Variants in LSAMP observed in about 807,000 individuals in gnomAD.
LSAMP encodes limbic system associated membrane protein.
A neutral mutation model predicts 38.6 loss-of-function variants in LSAMP; 7 were observed. That is an observed-to-expected ratio of 0.18 (90% CI 0.10 to 0.34). LSAMP has a LOEUF of 0.34. LSAMP is among the 10% of genes least tolerant of loss of function. LSAMP has a pLI of 1.00. For synonymous variants in LSAMP, 154 were observed against 166.8 expected, an observed-to-expected ratio of 0.92 and a Z score of 0.59; for missense variants, 313 against 420.0, an observed-to-expected ratio of 0.75 and a Z score of 2.23.
intron 3 of LSAMP, among the ~76,000 whole-genome samples, chr3:115,989,017 TC>T (rs1939592606): frequency 6.6e-6 from 1 of 152,090 alleles, no homozygotes; most frequent in Non-Finnish European, 1.5e-5. Context: ...CATAGTGATA[TC>T]AAACACTGAC....
intron 2 of LSAMP, among the ~76,000 whole-genome samples, chr3:116,032,536 G>A (rs1940949790): frequency 6.6e-6 from 1 of 152,118 alleles, no homozygotes; most frequent in Non-Finnish European, 1.5e-5. Flanking sequence ...GACCAGGCAT[G>A]GTGGCTTATG....
intron 3 of LSAMP, among the ~76,000 whole-genome samples, chr3:115,897,898 A>G (rs1237834606): frequency 6.6e-6 from 1 of 152,126 alleles, no homozygotes; most frequent in Admixed American, 6.6e-5. Context: ...TGAGAGGAAC[A>G]ATGTCAAGAA....
intron 3 of LSAMP, among the ~76,000 whole-genome samples, chr3:115,931,116 C>A (rs1176645553): frequency 2.6e-5 from 4 of 152,142 alleles, no homozygotes; most frequent in Non-Finnish European, 1.5e-5. Flanking sequence ...TAACCCTTGG[C>A]AGCACCCCAC....
At chr3:116,338,396 C>T (rs575284154) in intron 1 of LSAMP, among the ~76,000 whole-genome samples, 7 of 152,086 alleles carry the variant, frequency 4.6e-5, no homozygotes, top group African/African-American at 1.7e-4. Context: ...TATCTTTATC[C>T]TCCCCAGCTG....
rs902074495 is a variant in LSAMP at position 116,445,111 on chromosome 3, G to C, written c.-80C>G. ...TCGCGAGGAGAGGCTTCACCAACAC[G>C]GGGCTTTCATCCACAGCGAGCGCAG... On this transcript the variant is annotated 5_prime_UTR_variant, in exon 1 of 7. Coordinates refer to ENST00000490035, the MANE Select transcript of LSAMP (RefSeq NM_002338.5). The C allele has an allele frequency of 9.1e-6, 13 of 1,430,134 alleles. No homozygotes were observed. Among genetic ancestry groups the C allele is most frequent in the South Asian group, 5.3e-5 (4 of 75,210 alleles). 88.6% of individuals were successfully genotyped at this position (1,430,134 alleles called of 1,614,324 possible). A position where few individuals can be genotyped will look rare whatever the true frequency, so the allele number is the denominator to read the frequency against.
intron 1 of LSAMP, among the ~76,000 whole-genome samples, chr3:116,126,596 T>G (rs992477641): frequency 6.6e-6 from 1 of 152,270 alleles, no homozygotes; most frequent in African/African-American, 2.4e-5. Context: ...GGGCAGTGGC[T>G]CATGCATGTA....
chr3:115,990,839 T>C (rs1217281421), intron 3 of LSAMP, among the ~76,000 whole-genome samples: 1 of 152,072 alleles, frequency 6.6e-6, no homozygotes, highest in Non-Finnish European at 1.5e-5. Flanking sequence ...TATTTGAATG[T>C]AGATTCCTAG....
chr3:116,366,013 T>TAAATAA (rs1553727854), intron 1 of LSAMP, among the ~76,000 whole-genome samples: 1 of 28,686 alleles, frequency 3.5e-5, no homozygotes, highest in Non-Finnish European at 6.1e-5. Flanking sequence ...TAGAGTATAA[T>TAAATAA]AAAAAAAAAA....
chr3:115,963,555 A>C (rs1938697425), intron 3 of LSAMP, among the ~76,000 whole-genome samples: 1 of 152,186 alleles, frequency 6.6e-6, no homozygotes, highest in African/African-American at 2.4e-5. Context: ...TGCTAAGACA[A>C]AACTCTGACC....
At chr3:115,997,746 A>G (rs1032689001) in intron 3 of LSAMP, among the ~76,000 whole-genome samples, 16 of 138,866 alleles carry the variant, frequency 1.2e-4, no homozygotes, top group African/African-American at 4.4e-4. Context: ...ATATATATAT[A>G]TATATATACA....
In LSAMP at chr3:115,810,174, C is replaced by T. The variant is rs772028710; in HGVS notation, c.*143G>A. The T allele has an allele frequency of 1.9e-5, 11 of 588,908 alleles. No homozygotes were observed. Among genetic ancestry groups the T allele is most frequent in the South Asian group, 2.4e-5 (1 of 40,882 alleles). 36.5% of individuals were successfully genotyped at this position (588,908 alleles called of 1,614,324 possible). A position where few individuals can be genotyped will look rare whatever the true frequency, so the allele number is the denominator to read the frequency against. On this transcript the variant is annotated 3_prime_UTR_variant, in exon 7 of 7. Coordinates refer to ENST00000490035, the MANE Select transcript of LSAMP (RefSeq NM_002338.5). ...TTTTCTTCTTCACTTTCTTATTTCC[C>T]CCTTCATGTATAAACACACAAAGTT...
At chr3:116,353,337 T>C (rs1428615864) in intron 1 of LSAMP, among the ~76,000 whole-genome samples, 1 of 152,160 alleles carries the variant, frequency 6.6e-6, no homozygotes, top group African/African-American at 2.4e-5. Context: ...CTCTGGCTAG[T>C]TCTGCACAAG....
chr3:116,182,903 T>A (rs1710520486), intron 1 of LSAMP, among the ~76,000 whole-genome samples: 2 of 151,886 alleles, frequency 1.3e-5, no homozygotes, highest in African/African-American at 4.8e-5. Flanking sequence ...TCACAATGAC[T>A]ATTGTAGATT....
chr3:116,189,536 G>C (rs1311883357), intron 1 of LSAMP, among the ~76,000 whole-genome samples: 3 of 152,120 alleles, frequency 2.0e-5, no homozygotes, highest in Non-Finnish European at 4.4e-5. Context: ...CAGTTCTAGG[G>C]AAGGCCTTCA....
chr3:115,854,276 ATTATTATTT>A (rs1380843153), intron 3 of LSAMP, among the ~76,000 whole-genome samples: 12 of 119,598 alleles, frequency 1.0e-4, no homozygotes, highest in African/African-American at 3.0e-4. Context: ...TATTATTATT[ATTATTATTT>A]TTTTTTTTTT....
chr3:116,233,412 C>CCA (rs2046427151), intron 1 of LSAMP, among the ~76,000 whole-genome samples: 1 of 70,046 alleles, frequency 1.4e-5, no homozygotes, highest in Non-Finnish European at 2.4e-5. Context: ...GACTCTGTCT[C>CCA]AAAAAAAAAA....
chr3:116,082,903 GGA>G (rs1464623805), intron 2 of LSAMP, among the ~76,000 whole-genome samples: 1 of 152,106 alleles, frequency 6.6e-6, no homozygotes, highest in Non-Finnish European at 1.5e-5. Context: ...GAGGGTGGGA[GGA>G]GAGAGAGGAT....
intron 3 of LSAMP, among the ~76,000 whole-genome samples, chr3:115,906,525 G>A (rs1008189207): frequency 3.3e-5 from 5 of 152,106 alleles, no homozygotes; most frequent in African/African-American, 1.2e-4. Context: ...GCAGTTGACA[G>A]CTCTGGAATC....
At chr3:115,822,113 G>T (rs1343988871) in intron 6 of LSAMP, among the ~76,000 whole-genome samples, 3 of 152,090 alleles carry the variant, frequency 2.0e-5, no homozygotes, top group Non-Finnish European at 2.9e-5. Flanking sequence ...CCATAGAAAA[G>T]TATTTGCCTT....
Sources: gnomAD v4.1 joint callset for allele counts (sites outside exome capture counted in the v4.1 genomes callset) on GRCh38, gnomAD v4.1.1 for gene constraint, MANE v1.5 for transcripts, NCBI Gene and HGNC (gene_info 2026-07-23, HGNC 2026-07-21) for gene names.